The following GABRG3 variants were observed in gnomAD, a reference collection of about 807,000 sequenced individuals.
The protein encoded by GABRG3 is gamma-aminobutyric acid type A receptor subunit gamma3.
Under a neutral mutation model 48.8 loss-of-function variants are expected in GABRG3, and 25 were observed. The ratio of observed to expected loss-of-function variants is 0.51; its 90% CI spans 0.37 to 0.72. The LOEUF (loss-of-function observed/expected upper bound fraction) is 0.72. Ranked by LOEUF, GABRG3 falls within the 30% of genes least tolerant of loss-of-function variation. GABRG3 has a pLI of 0.00. For missense variants in GABRG3, 394 were observed against 577.9 expected (o/e 0.68, Z 3.26); for synonymous variants, 227 against 217.6 (o/e 1.04, Z -0.38).
At chr15:27,296,776 A>T (rs1272771036) in intron 3 of GABRG3, among the ~76,000 whole-genome samples, 2 of 152,074 alleles carry the variant, frequency 1.3e-5, no homozygotes, top group Non-Finnish European at 2.9e-5. Context: ...ATAATAATAA[A>T]TGACTATGTT....
rs536040254 is a variant in GABRG3 at position 27,230,979 on chromosome 15, A to T, written c.271-95830A>T. ...GAATGTAATTGTTAAACTATATTTTAAGTGGTTGAGCCAAGTTTAAAACAG... is the reference window on the plus strand; with the variant it reads ...GAATGTAATTGTTAAACTATATTTTTAGTGGTTGAGCCAAGTTTAAAACAG... On this transcript the variant is annotated intron_variant, in intron 3 of 9. Coordinates refer to ENST00000615808, the MANE Select transcript of GABRG3 (RefSeq NM_033223.5). 2.7e-5 allele frequency among the ~76,000 whole-genome samples: 4 copies of T among 150,110 alleles called. No homozygotes were observed. In the South Asian group the frequency reaches 8.5e-4, roughly 32 times the overall value.
chr15:27,115,312 G>C (rs913859542), intron 3 of GABRG3, among the ~76,000 whole-genome samples: 1 of 152,180 alleles, frequency 6.6e-6, no homozygotes, highest in South Asian at 2.1e-4. Flanking sequence ...GTCCAGCTGC[G>C]AGCTCCATTT....
At position 26,971,367 on chromosome 15, in the gene GABRG3, C is replaced by T. The variant is rs1002152544; in HGVS notation, c.-169C>T. ...CGGCGTCCCGTGTGCGTCCAGTGTG[C>T]GCCCCGCGGGGGCGCGGCCAGCGCC... On this transcript the variant is annotated 5_prime_UTR_variant, in exon 1 of 10. Transcript: ENST00000615808. The T allele has an allele frequency of 2.1e-4, 85 of 409,578 alleles. No individual in the cohort carries two copies. In the Middle Eastern group the frequency reaches 4.8e-3, roughly 23 times the overall value. The allele number at this position is 409,578 out of a possible 1,614,324, so 25.4% of individuals were successfully genotyped here.
chr15:27,250,423 G>A (rs1278101486), intron 3 of GABRG3, among the ~76,000 whole-genome samples: 2 of 152,198 alleles, frequency 1.3e-5, no homozygotes, highest in Non-Finnish European at 2.9e-5. Flanking sequence ...CACATTTCTA[G>A]CCTTGCAGGA....
At chr15:27,169,877 A>T (rs1341906460) in intron 3 of GABRG3, among the ~76,000 whole-genome samples, 1 of 152,196 alleles carries the variant, frequency 6.6e-6, no homozygotes, top group African/African-American at 2.4e-5. Flanking sequence ...GCTATCACAG[A>T]TACTGCAGAC....
Position 27,449,147 on chromosome 15 carries a change from C to G in GABRG3, c.575-31503C>G, listed in dbSNP as rs544942798. On this transcript the variant is annotated intron_variant, in intron 5 of 9. Coordinates refer to ENST00000615808, the MANE Select transcript of GABRG3 (RefSeq NM_033223.5). ...CTTTTCTTCTGAAATAGGTGCCTCCCTGCACCAATAAGTGAAGGAAAGGAG... is the reference window on the plus strand; with the variant it reads ...CTTTTCTTCTGAAATAGGTGCCTCCGTGCACCAATAAGTGAAGGAAAGGAG... Among the ~76,000 whole-genome samples, 105 of 152,210 alleles carry G rather than the reference C, an allele frequency of 6.9e-4. 1 individual carries two copies. The highest frequency in any genetic ancestry group is 1.2e-3 in the Non-Finnish European group (83 of 68,036).
intron 5 of GABRG3, among the ~76,000 whole-genome samples, chr15:27,445,942 A>G (rs1448048329): frequency 1.3e-5 from 2 of 152,138 alleles, no homozygotes; most frequent in African/African-American, 4.8e-5. Flanking sequence ...CTTTGTAGGA[A>G]CTAATTGGCT....
intron 3 of GABRG3, among the ~76,000 whole-genome samples, chr15:27,156,865 G>A (rs943201197): frequency 9.2e-5 from 14 of 152,162 alleles, no homozygotes; most frequent in African/African-American, 3.1e-4. Flanking sequence ...TCTTTTACAG[G>A]CTTATTTGCC....
At chr15:27,130,970 C>T (rs1266517334) in intron 3 of GABRG3, among the ~76,000 whole-genome samples, 4 of 151,880 alleles carry the variant, frequency 2.6e-5, no homozygotes. Flanking sequence ...CATATAAAAT[C>T]ACGTCTGTGA....
intron 6 of GABRG3, among the ~76,000 whole-genome samples, chr15:27,481,991 C>G (rs905302525): frequency 6.6e-6 from 1 of 152,136 alleles, no homozygotes; most frequent in Non-Finnish European, 1.5e-5. Flanking sequence ...ATTTAAATCC[C>G]AAAGGCCTTT....
chr15:27,356,396 A>G (rs549296583), intron 5 of GABRG3, among the ~76,000 whole-genome samples: 79 of 152,284 alleles, frequency 5.2e-4, no homozygotes, highest in African/African-American at 1.7e-3. Context: ...TTCGTTATTC[A>G]TTCCTTTGGC....
chr15:27,076,318 CTTTTT>C (rs1230817571), intron 3 of GABRG3, among the ~76,000 whole-genome samples: 3 of 106,470 alleles, frequency 2.8e-5, no homozygotes, highest in African/African-American at 3.8e-5. Context: ...AGCCAACTGT[CTTTTT>C]TTTTTTTTTT....
chr15:27,063,225 C>T (rs764505126), intron 3 of GABRG3, among the ~76,000 whole-genome samples: 29 of 152,220 alleles, frequency 1.9e-4, no homozygotes, highest in Non-Finnish European at 3.2e-4. Context: ...TCCCTGCCTG[C>T]GCCTCAGGGA....
chr15:27,193,549 C>T (rs112968461), intron 3 of GABRG3, among the ~76,000 whole-genome samples: 13 of 152,046 alleles, frequency 8.6e-5, no homozygotes, highest in Admixed American at 2.0e-4. Flanking sequence ...TCTCCTGGTG[C>T]GCCGTTTTTT....
intron 5 of GABRG3, among the ~76,000 whole-genome samples, chr15:27,479,709 A>C (rs4778110): frequency 0.37 from 56,135 of 152,146 alleles, 11,284 homozygotes; most frequent in Non-Finnish European, 0.45. Context: ...GTATGAATCA[A>C]TGAAGGCTGA....
intron 3 of GABRG3, chr15:27,271,501 C>T (rs566682186): frequency 3.7e-5 from 17 of 454,018 alleles, no homozygotes; most frequent in Non-Finnish European, 7.5e-5. Flanking sequence ...ACAGGCCACG[C>T]CCCGGAGCCC....
chr15:27,429,668 A>C (rs1459741621), intron 5 of GABRG3, among the ~76,000 whole-genome samples: 1 of 152,174 alleles, frequency 6.6e-6, no homozygotes, highest in African/African-American at 2.4e-5. Context: ...GATGTGATAT[A>C]TGGCCTTTTG....
intron 3 of GABRG3, among the ~76,000 whole-genome samples, chr15:27,132,548 G>A (rs371088867): frequency 1.9e-4 from 23 of 124,008 alleles, no homozygotes; most frequent in South Asian, 1.6e-3. Flanking sequence ...AAGGTTGTAC[G>A]TTTCCAGAAG....
intron 3 of GABRG3, among the ~76,000 whole-genome samples, chr15:27,140,906 G>A (rs1262708559): frequency 2.0e-5 from 3 of 152,088 alleles, no homozygotes; most frequent in East Asian, 3.9e-4. Flanking sequence ...GACTGAAAAC[G>A]GTTAAAATGT....
Sources: gnomAD v4.1 joint callset for allele counts (sites outside exome capture counted in the v4.1 genomes callset) on GRCh38, gnomAD v4.1.1 for gene constraint, MANE v1.5 for transcripts, NCBI Gene and HGNC (gene_info 2026-07-23, HGNC 2026-07-21) for gene names.